VPS53: variants seen among roughly 807,000 people sequenced by gnomAD.
VPS53 encodes the protein vacuolar protein sorting-associated protein 53 homolog.
A neutral mutation model predicts 107.0 loss-of-function variants in VPS53; 70 were observed. The ratio of observed to expected loss-of-function variants is 0.65; its 90% CI spans 0.54 to 0.80. The LOEUF (loss-of-function observed/expected upper bound fraction) is 0.80. Among genes scored for constraint, VPS53 ranks in the 30% least tolerant of loss-of-function variants. The probability of loss-of-function intolerance (pLI) is 0.00; values close to 1 mark genes in which losing one functional copy is unlikely to be tolerated. For missense variants in VPS53, 917 were observed against 1,049.4 expected (o/e 0.87, Z 1.74); for synonymous variants, 409 against 393.3 (o/e 1.04, Z -0.47).
At position 714,743 on chromosome 17, in the gene VPS53, G is replaced by A. The variant is rs1973787219; in HGVS notation, c.-34C>T. ...CCGGCCCCCTGCCGACCCCCGCCGC[G>A]AGCCCAACTCAGGCCTCCAGCCGCC... is the stretch of plus-strand genomic sequence containing the variant. On this transcript the variant is annotated 5_prime_UTR_variant, in exon 1 of 22. Transcript: ENST00000437048. 10 of 1,611,584 alleles carry A rather than the reference G, an allele frequency of 6.2e-6. No individual in the cohort carries two copies. Among genetic ancestry groups the A allele is most frequent in the South Asian group, 4.4e-5 (4 of 91,022 alleles).
At chr17:611,934 A>G (rs1968898626) in intron 11 of VPS53, among the ~76,000 whole-genome samples, 1 of 152,226 alleles carries the variant, frequency 6.6e-6, no homozygotes, top group South Asian at 2.1e-4. Context: ...CACACAGTGA[A>G]AACCTGTACA....
intron 12 of VPS53, among the ~76,000 whole-genome samples, chr17:590,880 A>C (rs1227061330): frequency 1.3e-5 from 2 of 151,604 alleles, no homozygotes; most frequent in South Asian, 2.1e-4. Flanking sequence ...TATCAGGATG[A>C]TGCTGGCCTC....
At chr17:662,472 G>A (rs1007637687) in intron 4 of VPS53, among the ~76,000 whole-genome samples, 3 of 151,956 alleles carry the variant, frequency 2.0e-5, no homozygotes, top group Admixed American at 6.6e-5. Flanking sequence ...GGCAGATCAC[G>A]AGGTCAGGAG....
intron 13 of VPS53, among the ~76,000 whole-genome samples, chr17:572,739 GT>G: frequency 6.7e-6 from 1 of 149,354 alleles, no homozygotes; most frequent in East Asian, 1.9e-4. Flanking sequence ...CCCCAACCCT[GT>G]GCTCTCTGAA....
At chr17:610,180 A>C (rs935011340) in intron 11 of VPS53, among the ~76,000 whole-genome samples, 3 of 137,814 alleles carry the variant, frequency 2.2e-5, no homozygotes, top group South Asian at 2.3e-4. Flanking sequence ...CACACACACA[A>C]ATTAGTAGAC....
intron 13 of VPS53, among the ~76,000 whole-genome samples, chr17:581,421 A>G (rs575458970): frequency 6.6e-6 from 1 of 150,378 alleles, no homozygotes; most frequent in East Asian, 2.0e-4. Context: ...AACCTAATGC[A>G]TTCCCAGAGA....
intron 19 of VPS53, among the ~76,000 whole-genome samples, chr17:523,951 AG>A (rs1908935027): frequency 6.6e-6 from 1 of 152,194 alleles, no homozygotes; most frequent in Non-Finnish European, 1.5e-5. Flanking sequence ...ACCCAGAACA[AG>A]CCTCTAAAGC....
intron 13 of VPS53, among the ~76,000 whole-genome samples, chr17:566,159 C>G (rs1026687346): frequency 1.7e-4 from 25 of 149,252 alleles, no homozygotes; most frequent in African/African-American, 5.7e-4. Context: ...AGCCGAGATC[C>G]CGCCACTGCA....
At chr17:527,067 T>A (rs1313549137) in intron 19 of VPS53, among the ~76,000 whole-genome samples, 1 of 152,214 alleles carries the variant, frequency 6.6e-6, no homozygotes, top group East Asian at 1.9e-4. Flanking sequence ...AGGTATAACT[T>A]TCACAGAGTA....
chr17:587,136 C>T (rs1034380543), intron 12 of VPS53, among the ~76,000 whole-genome samples: 1 of 152,134 alleles, frequency 6.6e-6, no homozygotes, highest in Non-Finnish European at 1.5e-5. Flanking sequence ...CATCTCAGCT[C>T]ACTGCAACCT....
At chr17:653,234 C>T (rs539165621) in intron 7 of VPS53, 57 bp downstream of exon 7, 3 of 1,552,490 alleles carry the variant, frequency 1.9e-6, no homozygotes, top group South Asian at 2.4e-5. Flanking sequence ...GTTTACCTTT[C>T]GGAAAGCTGC....
chr17:601,281 A>G (rs572058026), intron 12 of VPS53, among the ~76,000 whole-genome samples: 75 of 152,362 alleles, frequency 4.9e-4, no homozygotes, highest in Non-Finnish European at 7.1e-4. Context: ...AAAGGAAATT[A>G]AAGTGTTAGT....
At chr17:595,248 C>T (rs112833869) in intron 12 of VPS53, among the ~76,000 whole-genome samples, 1 of 71,920 alleles carries the variant, frequency 1.4e-5, no homozygotes, top group Admixed American at 1.4e-4. Context: ...CACTCTAGTG[C>T]CCTGCCCTGG....
chr17:627,923 C>T (rs1400767381), intron 9 of VPS53, among the ~76,000 whole-genome samples, 165 bp downstream of exon 9: 8 of 152,146 alleles, frequency 5.3e-5, no homozygotes, highest in Admixed American at 3.9e-4. Flanking sequence ...GGTCAGTGAC[C>T]TCAAAATGGT....
At chr17:639,354 G>A (rs915574670) in intron 7 of VPS53, among the ~76,000 whole-genome samples, 5 of 152,060 alleles carry the variant, frequency 3.3e-5, no homozygotes, top group Admixed American at 6.6e-5. Flanking sequence ...TCTTTGTGAT[G>A]GGTTCAAACT....
chr17:687,305 C>T (rs537857896), intron 4 of VPS53, among the ~76,000 whole-genome samples: 5 of 144,950 alleles, frequency 3.4e-5, no homozygotes, highest in Non-Finnish European at 6.0e-5. Context: ...AAGCCAGGTG[C>T]GGTGGCTCAT....
At chr17:527,256 G>A (rs979452705) in intron 19 of VPS53, among the ~76,000 whole-genome samples, 1 of 151,510 alleles carries the variant, frequency 6.6e-6, no homozygotes, top group African/African-American at 2.4e-5. Flanking sequence ...CTAGTTGCCT[G>A]CTCATAAACC....
Position 623,794 on chromosome 17 carries a change from T to C in VPS53, c.975-120A>G, listed in dbSNP as rs914346811. ...AAATGTATGTGGTCATTTCAAACCC[T>C]GAGGTCTGTTACCACCTTAGTCTAA... is the stretch of plus-strand genomic sequence containing the variant. On this transcript the variant is annotated intron_variant, in intron 10 of 21. Transcript: ENST00000437048. 1.3e-5 allele frequency: 14 copies of C among 1,103,708 alleles called. No individual in the cohort carries two copies. In the South Asian group the frequency reaches 2.1e-4, roughly 17 times the overall value. The allele number at this position is 1,103,708 out of a possible 1,614,324, so 68.4% of individuals were successfully genotyped here.
At chr17:544,333 TTATTCC>T (rs755897651) in intron 17 of VPS53, among the ~76,000 whole-genome samples, 105 of 152,256 alleles carry the variant, frequency 6.9e-4, no homozygotes, top group Middle Eastern at 3.4e-3. Flanking sequence ...GATTTAAATT[TTATTCC>T]TTTTTTCAAA....
Sources: gnomAD v4.1 joint callset for allele counts (sites outside exome capture counted in the v4.1 genomes callset) on GRCh38, gnomAD v4.1.1 for gene constraint, MANE v1.5 for transcripts, NCBI Gene and HGNC (gene_info 2026-07-23, HGNC 2026-07-21) for gene names.